KCNQ5: variants seen among roughly 807,000 people sequenced by gnomAD.
KCNQ5 encodes potassium voltage-gated channel subfamily Q member 5.
In KCNQ5, 30 loss-of-function variants were observed where a neutral mutation model predicts 98.2. That is an observed-to-expected ratio of 0.31 (90% CI 0.23 to 0.41). The LOEUF (loss-of-function observed/expected upper bound fraction) is 0.41, where lower values mean the gene tolerates loss of function less well. Among genes scored for constraint, KCNQ5 ranks in the 10% least tolerant of loss-of-function variants. The probability of loss-of-function intolerance (pLI) is 1.00; values close to 1 mark genes in which losing one functional copy is unlikely to be tolerated. For missense variants in KCNQ5, 835 were observed against 1,182.5 expected (o/e 0.71, Z 4.31); for synonymous variants, 458 against 449.4 (o/e 1.02, Z -0.24).
chr6:72,634,291 C>A (rs1434020098), intron 1 of KCNQ5, among the ~76,000 whole-genome samples: 2 of 152,180 alleles, frequency 1.3e-5, no homozygotes, highest in Non-Finnish European at 2.9e-5. Context: ...TCTGCCTTCA[C>A]ATTCTAACCA....
chr6:72,700,461 T>G (rs1331944082), intron 1 of KCNQ5, among the ~76,000 whole-genome samples: 4 of 152,252 alleles, frequency 2.6e-5, no homozygotes, highest in Non-Finnish European at 4.4e-5. Flanking sequence ...TTTATTTTGT[T>G]AAGATTGATT....
intron 2 of KCNQ5, among the ~76,000 whole-genome samples, chr6:73,009,781 T>C (rs1221937948): frequency 1.3e-5 from 2 of 152,136 alleles, no homozygotes; most frequent in Non-Finnish European, 2.9e-5. Context: ...CTAGATGAAA[T>C]GGACAAATTC....
At chr6:73,113,875 G>A (rs956283523) in intron 7 of KCNQ5, among the ~76,000 whole-genome samples, 4 of 152,144 alleles carry the variant, frequency 2.6e-5, no homozygotes, top group African/African-American at 9.7e-5. Context: ...AATTGAACTT[G>A]TACAAATGCA....
chr6:73,116,391 G>T (rs561262054), intron 7 of KCNQ5, among the ~76,000 whole-genome samples: 2 of 152,056 alleles, frequency 1.3e-5, no homozygotes, highest in Non-Finnish European at 2.9e-5. Context: ...TTGGCTGGAC[G>T]CAAGTGGCTC....
chr6:73,074,897 C>A (rs1773461965), intron 3 of KCNQ5, among the ~76,000 whole-genome samples: 1 of 151,990 alleles, frequency 6.6e-6, no homozygotes, highest in Non-Finnish European at 1.5e-5. Context: ...GGTAGTATAT[C>A]TTTTTCTTTT....
intron 1 of KCNQ5, among the ~76,000 whole-genome samples, chr6:72,869,338 A>G (rs541993729): frequency 7.9e-4 from 121 of 152,304 alleles, no homozygotes; most frequent in African/African-American, 2.7e-3. Flanking sequence ...GATGGACACT[A>G]CAGGCGAGGG....
intron 1 of KCNQ5, among the ~76,000 whole-genome samples, chr6:72,937,022 G>T (rs1301151074): frequency 6.6e-6 from 1 of 152,194 alleles, no homozygotes; most frequent in Non-Finnish European, 1.5e-5. Flanking sequence ...CGTCTCCAGA[G>T]AGCTGAGAGT....
chr6:72,734,068 G>A lies in KCNQ5; in HGVS notation c.398+111481G>A, dbSNP rs371823164. On this transcript the variant is annotated intron_variant, in intron 1 of 13. Transcript: ENST00000370398. ...GTGGCTACATTGGAAAGAGAATGAA[G>A]ACAAAAGACCAACATGGTTAATTGT... is the stretch of plus-strand genomic sequence containing the variant. 1.9e-4 allele frequency among the ~76,000 whole-genome samples: 29 copies of A among 152,276 alleles called. 2 individuals carry two copies. The highest frequency in any genetic ancestry group is 7.0e-4 in the African/African-American group (29 of 41,566).
intron 2 of KCNQ5, among the ~76,000 whole-genome samples, chr6:73,007,842 C>G (rs1769882330): frequency 6.6e-6 from 1 of 152,156 alleles, no homozygotes; most frequent in South Asian, 2.1e-4. Flanking sequence ...TAAGCCCCTC[C>G]CCTACCAGCA....
chr6:72,772,716 A>G (rs2154477511), intron 1 of KCNQ5, among the ~76,000 whole-genome samples: 1 of 152,282 alleles, frequency 6.6e-6, no homozygotes, highest in South Asian at 2.1e-4. Context: ...CAACCTGTCA[A>G]TTGTTGCTTG....
At chr6:73,181,553 C>G (rs1038031566) in intron 11 of KCNQ5, among the ~76,000 whole-genome samples, 2 of 152,242 alleles carry the variant, frequency 1.3e-5, no homozygotes, top group African/African-American at 2.4e-5. Context: ...TTGCATGAAA[C>G]TTTAGACCTC....
intron 1 of KCNQ5, among the ~76,000 whole-genome samples, chr6:72,979,823 T>C: frequency 6.6e-6 from 1 of 152,238 alleles, no homozygotes; most frequent in Non-Finnish European, 1.5e-5. Flanking sequence ...AACATTTAAG[T>C]CTTTGATCCA....
chr6:72,745,104 T>G (rs919672918), intron 1 of KCNQ5, among the ~76,000 whole-genome samples: 2 of 152,348 alleles, frequency 1.3e-5, no homozygotes, highest in African/African-American at 4.8e-5. Context: ...TCAGGACCTT[T>G]TAATCTAATG....
At chr6:72,804,225 T>C (rs954240234) in intron 1 of KCNQ5, among the ~76,000 whole-genome samples, 3 of 152,156 alleles carry the variant, frequency 2.0e-5, no homozygotes, top group East Asian at 1.9e-4. Flanking sequence ...TACTGTTGAC[T>C]GTAGTCACCC....
chr6:72,924,583 A>G (rs762615456), intron 1 of KCNQ5, among the ~76,000 whole-genome samples: 3 of 152,174 alleles, frequency 2.0e-5, no homozygotes, highest in Non-Finnish European at 4.4e-5. Context: ...TTTTAAATCT[A>G]CTATTCATGC....
At chr6:73,119,439 G>A (rs1775654426) in intron 7 of KCNQ5, among the ~76,000 whole-genome samples, 1 of 152,272 alleles carries the variant, frequency 6.6e-6, no homozygotes, top group East Asian at 1.9e-4. Flanking sequence ...TTTGTCTTAT[G>A]TATGCCAGGT....
At position 73,196,602 on chromosome 6, in the gene KCNQ5, T is replaced by C. The variant is rs1000882625; in HGVS notation, c.*1188T>C. On this transcript the variant is annotated 3_prime_UTR_variant, in exon 14 of 14. Coordinates refer to ENST00000370398, the MANE Select transcript of KCNQ5 (RefSeq NM_019842.4). ...TTAATATGCCCTGAATGTCTTTTGCTATTATGTGTACATTTTGCATATGAA... is the reference window on the plus strand; with the variant it reads ...TTAATATGCCCTGAATGTCTTTTGCCATTATGTGTACATTTTGCATATGAA... The C allele has an allele frequency of 1.3e-5, 2 of 152,234 alleles. No homozygotes were observed. The highest frequency in any genetic ancestry group is 4.8e-5 in the African/African-American group (2 of 41,472). 9.4% of individuals were successfully genotyped at this position (152,234 alleles called of 1,614,324 possible).
chr6:73,155,218 T>C (rs1022836454), intron 10 of KCNQ5, among the ~76,000 whole-genome samples: 3 of 152,186 alleles, frequency 2.0e-5, no homozygotes, highest in African/African-American at 7.2e-5. Flanking sequence ...ATTGCTAGAC[T>C]ACAAAATAAA....
At chr6:73,119,379 A>G (rs1213934106) in intron 7 of KCNQ5, among the ~76,000 whole-genome samples, 1 of 152,224 alleles carries the variant, frequency 6.6e-6, no homozygotes. Context: ...CTCACCTACA[A>G]AACAGGAATC....
Sources: allele counts gnomAD v4.1 joint callset (sites outside exome capture counted in the v4.1 genomes callset), GRCh38; gene constraint gnomAD v4.1.1; transcripts MANE v1.5; gene names NCBI Gene and HGNC (gene_info 2026-07-23, HGNC 2026-07-21).